PRKN: variants seen among roughly 807,000 people sequenced by gnomAD.
PRKN encodes the protein parkin RBR E3 ubiquitin protein ligase, also known as E3 ubiquitin-protein ligase parkin.
In PRKN, 56 loss-of-function variants were observed where a neutral mutation model predicts 59.5. The ratio of observed to expected loss-of-function variants is 0.94; its 90% CI spans 0.76 to 1.18. The LOEUF is 1.18. PRKN is among the 50% of genes most tolerant of loss of function. The pLI is 0.00. For synonymous variants in PRKN, 250 were observed against 222.1 expected (o/e 1.13, Z -1.12); for missense variants, 657 against 596.4 (o/e 1.10, Z -1.06).
At chr6:161,883,210 A>T (rs1378396310) in intron 6 of PRKN, among the ~76,000 whole-genome samples, 1 of 152,092 alleles carries the variant, frequency 6.6e-6, no homozygotes. Flanking sequence ...TTTAGAAAGG[A>T]AACATCTGAG....
intron 5 of PRKN, among the ~76,000 whole-genome samples, chr6:162,051,802 C>T (rs192145573): frequency 2.0e-4 from 30 of 152,278 alleles, no homozygotes; most frequent in Admixed American, 5.9e-4. Context: ...TGGAGCAAAT[C>T]CAGACTGTCC....
chr6:161,858,770 G>A (rs1008626008), intron 6 of PRKN, among the ~76,000 whole-genome samples: 1 of 151,802 alleles, frequency 6.6e-6, no homozygotes, highest in Non-Finnish European at 1.5e-5. Context: ...CCATGGCAGA[G>A]GGTTGGAGGC....
chr6:162,588,392 C>CA (rs68135970), intron 1 of PRKN, among the ~76,000 whole-genome samples: 15,224 of 143,860 alleles, frequency 0.11, 888 homozygotes, highest in Middle Eastern at 0.2. Flanking sequence ...CTCACATTAA[C>CA]AAAAAAAAAA....
rs1264888055 is a variant in PRKN at position 162,056,078 on chromosome 6, C to T, written c.535-1904G>A. Among the ~76,000 whole-genome samples the T allele has an allele frequency of 4.6e-5, 7 of 151,602 alleles. No individual in the cohort carries two copies. In the East Asian group the frequency reaches 5.8e-4, roughly 13 times the overall value. Reference sequence around the variant, plus strand: ...CACCACATACATACACGTGCACACACATCCCACACACCTCACACACCCCAC... The same window carrying T: ...CACCACATACATACACGTGCACACATATCCCACACACCTCACACACCCCAC... On this transcript the variant is annotated intron_variant, in intron 4 of 11. Transcript: ENST00000366898. This position sits in a 1 kb window ranked among gnomAD's most constrained non-coding sequence, Gnocchi z 4.9.
chr6:161,858,858 C>CTGTTTTTTTTTTTTTT (rs1793765114), intron 6 of PRKN, among the ~76,000 whole-genome samples: 1 of 71,936 alleles, frequency 1.4e-5, no homozygotes, highest in Non-Finnish European at 2.7e-5. Flanking sequence ...CACAGCTGTA[C>CTGTTTTTTTTTTTTTT]TTTTTTTTTT....
intron 4 of PRKN, among the ~76,000 whole-genome samples, chr6:162,098,667 T>G (rs1429543467): frequency 6.6e-6 from 1 of 152,232 alleles, no homozygotes; most frequent in Non-Finnish European, 1.5e-5. Context: ...TTCCTATATT[T>G]TACTCTTAAT....
intron 6 of PRKN, among the ~76,000 whole-genome samples, chr6:161,845,759 GT>G (rs1321396941): frequency 6.6e-6 from 1 of 152,128 alleles, no homozygotes; most frequent in East Asian, 1.9e-4. Context: ...TTAGAGCAAA[GT>G]TTCTTCAGGA....
chr6:162,661,479 C>G (rs548696142), intron 1 of PRKN, among the ~76,000 whole-genome samples: 72 of 152,202 alleles, frequency 4.7e-4, no homozygotes, highest in Admixed American at 1.3e-3. Flanking sequence ...ACATACAGTT[C>G]CCACGGACAA....
At chr6:162,125,176 C>T (rs547602354) in intron 4 of PRKN, among the ~76,000 whole-genome samples, 15 of 152,240 alleles carry the variant, frequency 9.9e-5, no homozygotes, top group Admixed American at 8.5e-4. Flanking sequence ...ACGGGAAAAA[C>T]GCTGCCAACA....
chr6:162,308,040 G>T (rs1207739433), intron 2 of PRKN, among the ~76,000 whole-genome samples: 1 of 152,156 alleles, frequency 6.6e-6, no homozygotes, highest in African/African-American at 2.4e-5. Context: ...GCCTATGCAG[G>T]ATCCTTTCTA....
At chr6:161,760,280 C>T (rs1315722787) in intron 7 of PRKN, among the ~76,000 whole-genome samples, 1 of 62,882 alleles carries the variant, frequency 1.6e-5, no homozygotes, top group Non-Finnish European at 3.6e-5. Flanking sequence ...CTGCCCACCA[C>T]AGCCACAGCG....
rs1414764827 is a variant in PRKN at position 161,560,503 on chromosome 6, A to T, written c.933+8852T>A. On this transcript the variant is annotated intron_variant, in intron 8 of 11. Coordinates refer to ENST00000366898, the MANE Select transcript of PRKN (RefSeq NM_004562.3). The surrounding 1 kb of genome is among the most constrained non-coding windows in gnomAD (Gnocchi z 4.9). ...CCTCATTCTTGAAGACTGTAGCTTCAGGCTGTTCTCACCTTTTCTCCGATT... is the reference window on the plus strand; with the variant it reads ...CCTCATTCTTGAAGACTGTAGCTTCTGGCTGTTCTCACCTTTTCTCCGATT... Among the ~76,000 whole-genome samples the T allele has an allele frequency of 1.3e-5, 2 of 152,128 alleles. No homozygotes were observed. The highest frequency in any genetic ancestry group is 2.9e-5 in the Non-Finnish European group (2 of 68,024).
intron 1 of PRKN, among the ~76,000 whole-genome samples, chr6:162,554,450 C>T (rs1405870921): frequency 2.0e-5 from 3 of 152,024 alleles, no homozygotes; most frequent in Non-Finnish European, 2.9e-5. Context: ...TGCAGTGAGC[C>T]GAGATCGCCC....
intron 8 of PRKN, among the ~76,000 whole-genome samples, chr6:161,553,833 T>A (rs1275259168): frequency 6.6e-6 from 1 of 152,244 alleles, no homozygotes; most frequent in East Asian, 1.9e-4. Flanking sequence ...ATGGCAATCC[T>A]ATCAAGATGA....
rs1460119364 is a variant in PRKN at position 161,533,313 on chromosome 6, C to T, written c.1083+15541G>A. 6.6e-6 allele frequency among the ~76,000 whole-genome samples: 1 copy of T among 152,144 alleles called. No homozygotes were observed. The highest frequency in any genetic ancestry group is 3.2e-3 in the Middle Eastern group (1 of 316). On this transcript the variant is annotated intron_variant, in intron 9 of 11. Transcript: ENST00000366898. This position sits in a 1 kb window ranked among gnomAD's most constrained non-coding sequence, Gnocchi z 4.1. ...GTATGGAAGTCCTCAGTAAGGTTTT[C>T]TTCTTAATGAAAAGCAGCCCCCAAA...
chr6:162,573,324 G>A (rs1037256533), intron 1 of PRKN, among the ~76,000 whole-genome samples: 3 of 152,096 alleles, frequency 2.0e-5, no homozygotes, highest in African/African-American at 4.8e-5. Flanking sequence ...ACTGCCTCTC[G>A]TGCACAGGCA....
At chr6:162,727,355 C>G in intron 1 of PRKN, 1 of 440,288 alleles carries the variant, frequency 2.3e-6, no homozygotes, top group East Asian at 4.0e-5. Flanking sequence ...CGGGACCCCA[C>G]ACGGTCCGGG....
chr6:161,649,472 A>G (rs1483504221), intron 7 of PRKN, among the ~76,000 whole-genome samples: 15 of 152,310 alleles, frequency 9.8e-5, no homozygotes, highest in Admixed American at 8.5e-4. Context: ...AAAATAAAAG[A>G]AGTACGTGTT....
intron 2 of PRKN, among the ~76,000 whole-genome samples, chr6:162,335,026 T>A (rs1361561084): frequency 4.6e-5 from 7 of 152,096 alleles, no homozygotes; most frequent in Non-Finnish European, 8.8e-5. Flanking sequence ...TTTGTTTTTG[T>A]TTTTGAGACA....
Sources: gnomAD v4.1 joint callset for allele counts (sites outside exome capture counted in the v4.1 genomes callset) on GRCh38, gnomAD v4.1.1 for gene constraint, Gnocchi (gnomAD v3.1) non-coding constraint, MANE v1.5 for transcripts, NCBI Gene and HGNC (gene_info 2026-07-23, HGNC 2026-07-21) for gene names.